The following DKK2 variants were observed in gnomAD, a reference collection of about 807,000 sequenced individuals.
DKK2 encodes the protein dickkopf Wnt signaling pathway inhibitor 2.
DKK2 carries 11 observed loss-of-function variants against 28.1 expected under a neutral mutation model. That is an observed-to-expected ratio of 0.39 (90% CI 0.25 to 0.65). DKK2 has a LOEUF of 0.65. DKK2 is among the 30% of genes least tolerant of loss of function. The probability of loss-of-function intolerance (pLI) is 0.47; values close to 1 mark genes in which losing one functional copy is unlikely to be tolerated. For missense variants in DKK2, 326 were observed against 335.5 expected (o/e 0.97, Z 0.22); for synonymous variants, 135 against 126.5 (o/e 1.07, Z -0.45).
At chr4:107,032,580 T>C (rs1205520008) in intron 1 of DKK2, among the ~76,000 whole-genome samples, 3 of 152,134 alleles carry the variant, frequency 2.0e-5, no homozygotes, top group African/African-American at 4.8e-5. Flanking sequence ...AAAATTAAAA[T>C]AGGCTATTTT....
chr4:107,020,190 T>A (rs1342199162), intron 1 of DKK2, among the ~76,000 whole-genome samples: 5 of 152,134 alleles, frequency 3.3e-5, no homozygotes, highest in Admixed American at 3.3e-4. Flanking sequence ...CAATTCAATT[T>A]GTAGTCAATC....
At chr4:106,972,074 A>G (rs1313493305) in intron 1 of DKK2, among the ~76,000 whole-genome samples, 7 of 152,110 alleles carry the variant, frequency 4.6e-5, no homozygotes, top group Non-Finnish European at 1.0e-4. Context: ...TAATGCTGTA[A>G]TAAATCTTTT....
chr4:107,014,153 C>T (rs1307316956), intron 1 of DKK2, among the ~76,000 whole-genome samples: 2 of 151,250 alleles, frequency 1.3e-5, no homozygotes, highest in Non-Finnish European at 3.0e-5. Context: ...TCCAAAAGAA[C>T]TGAAATCCAC....
intron 1 of DKK2, among the ~76,000 whole-genome samples, chr4:107,017,860 A>G (rs935541044): frequency 2.0e-5 from 3 of 152,080 alleles, no homozygotes; most frequent in Non-Finnish European, 4.4e-5. Context: ...CTTGCAGACT[A>G]CTTACCTTTG....
At chr4:106,966,307 C>T (rs1722780457) in intron 1 of DKK2, among the ~76,000 whole-genome samples, 1 of 151,606 alleles carries the variant, frequency 6.6e-6, no homozygotes, top group African/African-American at 2.4e-5. Context: ...CACTCTTTCT[C>T]TGAAGAATAA....
chr4:107,004,440 T>C (rs940416162), intron 1 of DKK2, among the ~76,000 whole-genome samples: 3 of 152,200 alleles, frequency 2.0e-5, no homozygotes, highest in Non-Finnish European at 2.9e-5. Flanking sequence ...AAAGCTCCAA[T>C]TAAGAATCTG....
intron 1 of DKK2, among the ~76,000 whole-genome samples, chr4:106,936,990 A>C (rs1298222229): frequency 1.1e-4 from 17 of 151,714 alleles, no homozygotes; most frequent in African/African-American, 3.2e-4. Flanking sequence ...AAGGAACAAC[A>C]GGTACCAGCC....
At chr4:107,020,050 T>C (rs890179265) in intron 1 of DKK2, among the ~76,000 whole-genome samples, 34 of 152,134 alleles carry the variant, frequency 2.2e-4, no homozygotes, top group African/African-American at 8.0e-4. Flanking sequence ...CTATTCTTTA[T>C]TGATTTCTAC....
At chr4:106,982,581 T>C (rs561377725) in intron 1 of DKK2, among the ~76,000 whole-genome samples, 15 of 152,336 alleles carry the variant, frequency 9.8e-5, no homozygotes, top group African/African-American at 3.6e-4. Flanking sequence ...AATTCCAATT[T>C]AGGTATTTGG....
At chr4:106,954,838 T>C (rs1264441766) in intron 1 of DKK2, among the ~76,000 whole-genome samples, 2 of 152,154 alleles carry the variant, frequency 1.3e-5, no homozygotes, top group Non-Finnish European at 2.9e-5. Flanking sequence ...TTCATTTTTA[T>C]GTGACAGAGA....
chr4:107,006,279 T>C (rs957994152), intron 1 of DKK2, among the ~76,000 whole-genome samples: 4 of 152,198 alleles, frequency 2.6e-5, no homozygotes, highest in Non-Finnish European at 5.9e-5. Context: ...TCTTTTAATA[T>C]ATAATTTTGG....
chr4:106,931,339 T>A (rs949568706), intron 1 of DKK2, among the ~76,000 whole-genome samples: 1 of 152,134 alleles, frequency 6.6e-6, no homozygotes, highest in Non-Finnish European at 1.5e-5. Flanking sequence ...TATTTAGTAT[T>A]TATTTATTGA....
intron 1 of DKK2, among the ~76,000 whole-genome samples, chr4:106,959,587 G>A (rs1375872159): frequency 6.6e-6 from 1 of 151,696 alleles, no homozygotes; most frequent in Non-Finnish European, 1.5e-5. Flanking sequence ...CTTCATTTCT[G>A]GAACAGAATG....
chr4:106,995,414 C>T (rs1723257196), intron 1 of DKK2, among the ~76,000 whole-genome samples: 1 of 152,120 alleles, frequency 6.6e-6, no homozygotes, highest in African/African-American at 2.4e-5. Context: ...ATAAAAGTCT[C>T]AATGTTCTGT....
chr4:107,033,126 T>C (rs1000911542), intron 1 of DKK2, among the ~76,000 whole-genome samples: 2 of 152,210 alleles, frequency 1.3e-5, no homozygotes, highest in African/African-American at 4.8e-5. Context: ...ATTTTCACAT[T>C]TGCCAGCTAG....
chr4:106,998,945 G>A (rs1356906055), intron 1 of DKK2, among the ~76,000 whole-genome samples: 5 of 152,118 alleles, frequency 3.3e-5, no homozygotes, highest in African/African-American at 1.2e-4. Flanking sequence ...GAACAACAGA[G>A]GTGTTAAAAA....
At position 106,968,701 on chromosome 4, in the gene DKK2, G is replaced by C. The variant is rs1461096299; in HGVS notation, c.223-42752C>G. Among the ~76,000 whole-genome samples the C allele has an allele frequency of 2.6e-5, 4 of 152,222 alleles. No homozygotes were observed. The East Asian group carries it at 7.7e-4, about 29-fold the overall frequency. On this transcript the variant is annotated intron_variant, in intron 1 of 3. Coordinates refer to ENST00000285311, the MANE Select transcript of DKK2 (RefSeq NM_014421.3). ...AAATGCACTGCATAATGAAGTAATT[G>C]AGTCTTCATTTTCCATATGGCGTTC...
chr4:106,991,537 G>A (rs1488627992), intron 1 of DKK2, among the ~76,000 whole-genome samples: 1 of 151,884 alleles, frequency 6.6e-6, no homozygotes, highest in East Asian at 1.9e-4. Flanking sequence ...TCTTCACCTG[G>A]GCTTCTGAGA....
chr4:106,993,126 T>A (rs1043242190), intron 1 of DKK2, among the ~76,000 whole-genome samples: 8 of 152,264 alleles, frequency 5.3e-5, no homozygotes, highest in African/African-American at 1.9e-4. Context: ...CAGGGCTCAA[T>A]TAAACAGCAT....
Sources: gnomAD v4.1 joint callset for allele counts (sites outside exome capture counted in the v4.1 genomes callset) on GRCh38, gnomAD v4.1.1 for gene constraint, MANE v1.5 for transcripts, NCBI Gene and HGNC (gene_info 2026-07-23, HGNC 2026-07-21) for gene names.